SSH2: variants seen among roughly 807,000 people sequenced by gnomAD.
SSH2 encodes the protein slingshot protein phosphatase 2.
A neutral mutation model predicts 135.2 loss-of-function variants in SSH2; 37 were observed. That is an observed-to-expected ratio of 0.27 (90% CI 0.21 to 0.36). The LOEUF (loss-of-function observed/expected upper bound fraction) is 0.36. SSH2 is among the 10% of genes least tolerant of loss of function. The pLI is 1.00. For missense variants in SSH2, 1,408 were observed against 1,765.3 expected (o/e 0.80, Z 3.63); for synonymous variants, 628 against 646.2 (o/e 0.97, Z 0.43).
In SSH2 at chr17:29,636,271, G is replaced by A. The variant is rs150233755; in HGVS notation, c.1959C>T (p.Ser653=). ...GGGGGCTTGGTGACTCAGGATCAGG[G>A]GACATGGGGGGGTCTTTCAGTGGAG... is the stretch of plus-strand genomic sequence containing the variant. ...LTSPLKDPPM[S]PDPESPSPQP... is the part of the protein sequence containing the mutation. The change falls in exon 15 of 16, where the codon TCC becomes TCT. Residue 653 remains serine, a synonymous_variant. Transcript: ENST00000540801. 6 of 1,614,018 alleles carry A rather than the reference G, an allele frequency of 3.7e-6. No homozygotes were observed. The African/African-American group carries it at 4.0e-5, about 11-fold the overall frequency.
intron 1 of SSH2, among the ~76,000 whole-genome samples, chr17:29,900,496 G>A (rs1462498910): frequency 6.6e-6 from 1 of 152,146 alleles, no homozygotes; most frequent in Non-Finnish European, 1.5e-5. Context: ...CTCAAAAGAA[G>A]ACATTTATGC....
rs376197677 is a variant in SSH2, at chr17:29,887,333, T to A, written c.64-38404A>T. Among the ~76,000 whole-genome samples, 53 of 152,316 alleles carry A rather than the reference T, an allele frequency of 3.5e-4. No homozygotes were observed. The South Asian group carries it at 0.01, about 29-fold the overall frequency. ...AGTGAGGATCAATAGAGGATAAACTTGAGCTTTAGTAAGAATAAACAAAAA... is the reference window on the plus strand; with the variant it reads ...AGTGAGGATCAATAGAGGATAAACTAGAGCTTTAGTAAGAATAAACAAAAA... On this transcript the variant is annotated intron_variant, in intron 1 of 15. Coordinates refer to ENST00000540801, the MANE Select transcript of SSH2 (RefSeq NM_001282129.2).
chr17:29,872,023 A>G (rs2065945020), intron 1 of SSH2, among the ~76,000 whole-genome samples: 1 of 152,200 alleles, frequency 6.6e-6, no homozygotes, highest in African/African-American at 2.4e-5. Context: ...TATTTCAGCC[A>G]AATCCTTTAA....
chr17:29,664,616 C>A (rs957149138), intron 11 of SSH2, among the ~76,000 whole-genome samples: 1 of 152,138 alleles, frequency 6.6e-6, no homozygotes, highest in Admixed American at 6.5e-5. Flanking sequence ...GCTTTGGCCA[C>A]CCCAAGTGCT....
chr17:29,728,759 A>G (rs1260691132), intron 3 of SSH2, among the ~76,000 whole-genome samples: 1 of 152,216 alleles, frequency 6.6e-6, no homozygotes, highest in African/African-American at 2.4e-5. Flanking sequence ...TCTACAGTGA[A>G]CTCATTTTTG....
chr17:29,802,617 A>C (rs1437951086), intron 2 of SSH2, among the ~76,000 whole-genome samples: 2 of 142,156 alleles, frequency 1.4e-5, no homozygotes, highest in Non-Finnish European at 3.0e-5. Context: ...CACTGTTTCT[A>C]CAAAAAAAAA....
chr17:29,656,901 T>A (rs2036804409), intron 11 of SSH2, among the ~76,000 whole-genome samples: 1 of 152,216 alleles, frequency 6.6e-6, no homozygotes, highest in African/African-American at 2.4e-5. Flanking sequence ...TCTACAAATG[T>A]CCCCAAAATG....
Position 29,930,175 on chromosome 17 carries a change from A to C in SSH2, c.-175T>G. 1 of 600,192 alleles carries C rather than the reference A, an allele frequency of 1.7e-6. No homozygotes were observed. Among genetic ancestry groups the C allele is most frequent in the Non-Finnish European group, 2.8e-6 (1 of 353,724 alleles). The allele number at this position is 600,192 out of a possible 1,614,324, so 37.2% of individuals were successfully genotyped here. A position where few individuals can be genotyped will look rare whatever the true frequency, so the allele number is the denominator to read the frequency against. On this transcript the variant is annotated 5_prime_UTR_variant, in exon 1 of 16. Transcript: ENST00000540801. ...CGCACCCACCACCAGACTGTCGCCGACTGACGCTCCGAACGGGCGGCGGGC... is the reference window on the plus strand; with the variant it reads ...CGCACCCACCACCAGACTGTCGCCGCCTGACGCTCCGAACGGGCGGCGGGC...
At chr17:29,635,570 G>C (rs1021406588) in intron 15 of SSH2, among the ~76,000 whole-genome samples, 19 of 151,608 alleles carry the variant, frequency 1.3e-4, no homozygotes, top group Middle Eastern at 3.4e-3. Flanking sequence ...ACCACACCTG[G>C]CTAATTTTTT....
Position 29,635,993 on chromosome 17 carries a change from G to A in SSH2, c.2237C>T (p.Ser746Phe). ...CTTTGACTGTTCCTCATCCATTGAAGATTCTTCTGATGCATGGGGAGTATT... is the reference window on the plus strand; with the variant it reads ...CTTTGACTGTTCCTCATCCATTGAAAATTCTTCTGATGCATGGGGAGTATT... The part of the protein sequence containing the change: ...LSNTPHASEE[S>F]SMDEEQSKAI... Residue 746 changes from serine (S) to phenylalanine (F), a missense_variant, in exon 15 of 16, where the codon TCT becomes TTT. Ser to Phe is a radical substitution (Grantham distance 155). This residue lies in a region of SSH2 where 1,080 missense variants were observed against 1,144.5 expected (regional missense o/e 0.94). Coordinates refer to ENST00000540801, the MANE Select transcript of SSH2 (RefSeq NM_001282129.2). 1.2e-6 allele frequency: 2 copies of A among 1,613,076 alleles called. No individual in the cohort carries two copies. The highest frequency in any genetic ancestry group is 8.5e-7 in the Non-Finnish European group (1 of 1,179,148).
intron 2 of SSH2, among the ~76,000 whole-genome samples, chr17:29,836,776 T>C (rs544743633): frequency 2.6e-5 from 4 of 152,234 alleles, no homozygotes; most frequent in Non-Finnish European, 4.4e-5. Flanking sequence ...TTACAGAAAA[T>C]ATACAAAAGG....
chr17:29,900,089 A>C (rs377496711), intron 1 of SSH2, among the ~76,000 whole-genome samples: 7 of 152,188 alleles, frequency 4.6e-5, no homozygotes, highest in African/African-American at 1.2e-4. Context: ...ATGTAGAAAG[A>C]TGAAACTGGA....
chr17:29,915,618 A>G (rs772338639), intron 1 of SSH2, among the ~76,000 whole-genome samples: 2 of 152,188 alleles, frequency 1.3e-5, no homozygotes, highest in Non-Finnish European at 2.9e-5. Context: ...TATGCTGCTA[A>G]GCATAGCCTA....
At chr17:29,783,436 A>G (rs1012930018) in intron 3 of SSH2, among the ~76,000 whole-genome samples, 4 of 151,716 alleles carry the variant, frequency 2.6e-5, no homozygotes, top group African/African-American at 9.7e-5. Flanking sequence ...CCGAGTCCCA[A>G]AAGTGAAGAA....
chr17:29,747,040 T>C (rs1216846677), intron 3 of SSH2, among the ~76,000 whole-genome samples: 1 of 152,224 alleles, frequency 6.6e-6, no homozygotes, highest in Non-Finnish European at 1.5e-5. Context: ...CGAATATCCA[T>C]GTAAATTTTG....
At chr17:29,646,175 T>A (rs764791857) in intron 14 of SSH2, among the ~76,000 whole-genome samples, 3 of 152,208 alleles carry the variant, frequency 2.0e-5, no homozygotes, top group Non-Finnish European at 4.4e-5. Context: ...TCACTTAATA[T>A]CTGATGCTTG....
At chr17:29,682,069 G>A (rs796646876) in intron 6 of SSH2, among the ~76,000 whole-genome samples, 1 of 152,176 alleles carries the variant, frequency 6.6e-6, no homozygotes, top group Non-Finnish European at 1.5e-5. Context: ...CAGGGCCATT[G>A]GCAAAAGATA....
intron 3 of SSH2, chr17:29,716,495 T>C: frequency 1.4e-6 from 1 of 709,632 alleles, no homozygotes. Context: ...GTTAACATTG[T>C]AGACTCCTTC....
At chr17:29,864,166 G>C (rs916874238) in intron 1 of SSH2, 1 of 152,078 alleles carries the variant, frequency 6.6e-6, no homozygotes, top group Admixed American at 6.6e-5. Context: ...TTAGCTGGGC[G>C]TGATGGCAGG....
Sources: gnomAD v4.1 joint callset for allele counts (sites outside exome capture counted in the v4.1 genomes callset) on GRCh38, gnomAD v4.1.1 for gene constraint, gnomAD v4.1.1 regional missense constraint, MANE v1.5 for transcripts, NCBI Gene and HGNC (gene_info 2026-07-23, HGNC 2026-07-21) for gene names.